MCC: variants seen among roughly 807,000 people sequenced by gnomAD.
MCC encodes colorectal mutant cancer protein.
In MCC, 90 loss-of-function variants were observed where a neutral mutation model predicts 116.2. The observed-to-expected ratio is 0.77, with a 90% CI of 0.65 to 0.92. MCC has a LOEUF of 0.92. Among genes scored for constraint, MCC ranks in the 40% least tolerant of loss-of-function variants. The probability of loss-of-function intolerance (pLI) is 0.00; values close to 1 mark genes in which losing one functional copy is unlikely to be tolerated. For missense variants in MCC, 1,516 were observed against 1,312.2 expected (o/e 1.16, Z -2.40); for synonymous variants, 578 against 510.5 (o/e 1.13, Z -1.78).
rs189323785 is a variant in MCC, at chr5:113,123,665, T to A, written c.885-839A>T. On this transcript the variant is annotated intron_variant, in intron 5 of 18. Coordinates refer to ENST00000408903, the MANE Select transcript of MCC (RefSeq NM_001085377.2). ...ATTTCAGAGCACGTGTACTGTCCCC[T>A]TCCCACACCACCACCATCACCACAC... 3.3e-5 allele frequency among the ~76,000 whole-genome samples: 5 copies of A among 152,288 alleles called. No homozygotes were observed. The East Asian group carries it at 9.7e-4, about 29-fold the overall frequency.
At chr5:113,118,780 G>A (rs910860032) in intron 6 of MCC, among the ~76,000 whole-genome samples, 15 of 152,150 alleles carry the variant, frequency 9.9e-5, no homozygotes, top group Non-Finnish European at 5.9e-5. Context: ...AATAAGAAGA[G>A]GGAGACAGCC....
chr5:113,065,613 C>T (rs113215029), intron 13 of MCC, among the ~76,000 whole-genome samples: 2,407 of 152,310 alleles, frequency 0.016, 68 homozygotes, highest in African/African-American at 0.055. Context: ...AGAGAAACTC[C>T]TCCAGCTTCC....
At chr5:113,469,204 T>TTAC (rs1772006674) in intron 1 of MCC, among the ~76,000 whole-genome samples, 1 of 152,220 alleles carries the variant, frequency 6.6e-6, no homozygotes, top group Non-Finnish European at 1.5e-5. Flanking sequence ...CTGATCTTAG[T>TTAC]TATTTCTTGC....
intron 3 of MCC, among the ~76,000 whole-genome samples, chr5:113,297,720 C>T (rs1766748446): frequency 7.2e-6 from 1 of 138,842 alleles, no homozygotes; most frequent in Admixed American, 7.6e-5. Context: ...CCACTGCACT[C>T]CACCCTGGGT....
chr5:113,216,001 C>T (rs181191160), intron 3 of MCC, among the ~76,000 whole-genome samples: 39 of 152,274 alleles, frequency 2.6e-4, no homozygotes, highest in Non-Finnish European at 5.1e-4. Context: ...GATGGCAAGC[C>T]CTTCTCCTTT....
chr5:113,428,480 T>C (rs1770540055), intron 1 of MCC, among the ~76,000 whole-genome samples: 1 of 152,272 alleles, frequency 6.6e-6, no homozygotes, highest in Middle Eastern at 3.4e-3. Context: ...ACACCCCATA[T>C]CCAATGACTA....
intron 1 of MCC, among the ~76,000 whole-genome samples, chr5:113,472,149 C>T (rs551709703): frequency 6.6e-4 from 100 of 152,266 alleles, no homozygotes; most frequent in Non-Finnish European, 1.2e-3. Flanking sequence ...GGCTCACGCA[C>T]GGTGCGCTGC....
intron 3 of MCC, among the ~76,000 whole-genome samples, chr5:113,194,731 C>T (rs947728597): frequency 3.3e-5 from 5 of 152,192 alleles, no homozygotes; most frequent in East Asian, 1.9e-4. Flanking sequence ...GAAGAGGCCT[C>T]CTGATTCCCT....
chr5:113,181,091 C>T (rs1487354868), intron 3 of MCC, among the ~76,000 whole-genome samples: 4 of 152,146 alleles, frequency 2.6e-5, no homozygotes, highest in African/African-American at 7.2e-5. Context: ...TCTATGTGAA[C>T]GATGACACTT....
At chr5:113,105,613 T>A (rs1310112681) in intron 6 of MCC, among the ~76,000 whole-genome samples, 1 of 152,128 alleles carries the variant, frequency 6.6e-6, no homozygotes, top group African/African-American at 2.4e-5. Flanking sequence ...TTGTCTGACA[T>A]ACTAAATCCA....
At chr5:113,245,958 A>G (rs1053025698) in intron 3 of MCC, among the ~76,000 whole-genome samples, 7 of 152,236 alleles carry the variant, frequency 4.6e-5, no homozygotes, top group Admixed American at 4.6e-4. Flanking sequence ...GGAGAACAGT[A>G]TTACTTCAGA....
chr5:113,261,214 C>T (rs1375837921), intron 3 of MCC, among the ~76,000 whole-genome samples: 1 of 152,138 alleles, frequency 6.6e-6, no homozygotes, highest in Non-Finnish European at 1.5e-5. Context: ...TACAGTTGGG[C>T]AACATCATCT....
chr5:113,048,046 C>T (rs543752513), intron 16 of MCC, among the ~76,000 whole-genome samples: 59 of 152,272 alleles, frequency 3.9e-4, no homozygotes, highest in African/African-American at 1.3e-3. Context: ...GAAGAGAGCC[C>T]GTTAGTGGAT....
At chr5:113,045,108 C>G (rs973986477) in intron 16 of MCC, among the ~76,000 whole-genome samples, 1 of 152,210 alleles carries the variant, frequency 6.6e-6, no homozygotes, top group African/African-American at 2.4e-5. Context: ...TCCCACAATA[C>G]CCTCACTTTT....
intron 3 of MCC, among the ~76,000 whole-genome samples, chr5:113,199,143 G>A (rs1455597857): frequency 6.6e-6 from 1 of 152,054 alleles, no homozygotes; most frequent in South Asian, 2.1e-4. Context: ...ACTCCATCCA[G>A]CCTAGGTGAC....
At chr5:113,228,060 A>C (rs1200951223) in intron 3 of MCC, among the ~76,000 whole-genome samples, 1 of 152,254 alleles carries the variant, frequency 6.6e-6, no homozygotes, top group Admixed American at 6.5e-5. Context: ...GGGCTCAATT[A>C]AACTTAATAG....
intron 1 of MCC, among the ~76,000 whole-genome samples, chr5:113,413,030 A>G (rs1488726734): frequency 6.6e-6 from 1 of 152,180 alleles, no homozygotes; most frequent in Non-Finnish European, 1.5e-5. Flanking sequence ...TGAGATAAGC[A>G]TGTGGTTTTT....
At chr5:113,128,835 G>A (rs1168125255) in intron 5 of MCC, among the ~76,000 whole-genome samples, 1 of 152,158 alleles carries the variant, frequency 6.6e-6, no homozygotes, top group African/African-American at 2.4e-5. Context: ...TTTGCTGGCA[G>A]ACAAGGAGGT....
At chr5:113,030,429 A>G (rs1229473511) in intron 17 of MCC, among the ~76,000 whole-genome samples, 1 of 152,206 alleles carries the variant, frequency 6.6e-6, no homozygotes, top group African/African-American at 2.4e-5. Flanking sequence ...CTGTAATCTC[A>G]GCACTTTAGG....
Sources: allele counts gnomAD v4.1 joint callset (sites outside exome capture counted in the v4.1 genomes callset), GRCh38; gene constraint gnomAD v4.1.1; transcripts MANE v1.5; gene names NCBI Gene and HGNC (gene_info 2026-07-23, HGNC 2026-07-21).